RBMS3: variants seen among roughly 807,000 people sequenced by gnomAD.
RBMS3 encodes RNA binding motif single stranded interacting protein 3.
In RBMS3, 27 loss-of-function variants were observed where a neutral mutation model predicts 66.8. That is an observed-to-expected ratio of 0.40 (90% CI 0.30 to 0.56). RBMS3 has a LOEUF of 0.56. Ranked by LOEUF, RBMS3 falls within the 20% of genes least tolerant of loss-of-function variation. The pLI is 0.40. For synonymous variants in RBMS3, 188 were observed against 183.0 expected (o/e 1.03, Z -0.22); for missense variants, 513 against 549.5 (o/e 0.93, Z 0.66).
At chr3:29,424,750 A>G (rs528609658) in intron 1 of RBMS3, among the ~76,000 whole-genome samples, 1 of 152,226 alleles carries the variant, frequency 6.6e-6, no homozygotes, top group African/African-American at 2.4e-5. Flanking sequence ...CGTAATTGGG[A>G]ACAAAGTGTG....
chr3:29,377,117 AG>A (rs760297666), intron 1 of RBMS3, among the ~76,000 whole-genome samples: 70 of 152,056 alleles, frequency 4.6e-4, no homozygotes, highest in Admixed American at 4.6e-4. Context: ...AAGCAAAGAA[AG>A]AAAAGGCACA....
chr3:29,847,751 G>A (rs1445990351), intron 6 of RBMS3, among the ~76,000 whole-genome samples: 1 of 152,012 alleles, frequency 6.6e-6, no homozygotes, highest in East Asian at 1.9e-4. Flanking sequence ...CGCCTTCCGG[G>A]TTCACGCCAT....
At chr3:29,993,118 A>C (rs910441729) in intron 14 of RBMS3, among the ~76,000 whole-genome samples, 1 of 149,632 alleles carries the variant, frequency 6.7e-6, no homozygotes, top group Admixed American at 6.6e-5. Flanking sequence ...TATGACTTAA[A>C]CTTACAAATG....
At chr3:29,798,604 G>T (rs2149439162) in intron 6 of RBMS3, among the ~76,000 whole-genome samples, 1 of 152,284 alleles carries the variant, frequency 6.6e-6, no homozygotes, top group South Asian at 2.1e-4. Context: ...GTGTTTCCTA[G>T]AATTGGAAAT....
intron 5 of RBMS3, among the ~76,000 whole-genome samples, chr3:29,750,436 A>G (rs9824543): frequency 0.46 from 69,941 of 151,422 alleles, 17,246 homozygotes; most frequent in African/African-American, 0.64. Context: ...ACAATGTAAT[A>G]TAATAATCAT....
At chr3:29,324,725 G>A (rs1321451425) in intron 1 of RBMS3, among the ~76,000 whole-genome samples, 2 of 151,782 alleles carry the variant, frequency 1.3e-5, no homozygotes. Flanking sequence ...AAGAAGACAA[G>A]AGCTTTCTCT....
At chr3:29,339,990 A>G (rs2125535085) in intron 1 of RBMS3, among the ~76,000 whole-genome samples, 1 of 152,230 alleles carries the variant, frequency 6.6e-6, no homozygotes, top group South Asian at 2.1e-4. Context: ...CGTTGTGCAA[A>G]AACACCAAGT....
intron 1 of RBMS3, among the ~76,000 whole-genome samples, chr3:29,324,488 G>T: frequency 6.6e-6 from 1 of 152,154 alleles, no homozygotes; most frequent in East Asian, 1.9e-4. Flanking sequence ...GGCTTGCTAC[G>T]TAACCTGGAA....
chr3:29,904,237 G>A (rs2060322389), intron 10 of RBMS3, among the ~76,000 whole-genome samples: 1 of 151,908 alleles, frequency 6.6e-6, no homozygotes, highest in South Asian at 2.1e-4. Flanking sequence ...GAAGTGTATA[G>A]AGTATAAAAG....
In RBMS3 at chr3:30,004,072, TG is replaced by T. The variant is rs1190827555; in HGVS notation, c.*211del. On this transcript the variant is annotated 3_prime_UTR_variant, in exon 15 of 15. Coordinates refer to ENST00000383767, the MANE Select transcript of RBMS3 (RefSeq NM_001003793.3). ...TTCATGTGGTCTGACAATTTATTTTTGCCATCATTTTTTTAATTAAAGAAAA... is the reference window on the plus strand; with the variant it reads ...TTCATGTGGTCTGACAATTTATTTTTCCATCATTTTTTTAATTAAAGAAAA... 7.9e-6 allele frequency: 3 copies of T among 378,328 alleles called. No individual in the cohort carries two copies. The East Asian group carries it at 1.1e-4, about 14-fold the overall frequency. 23.4% of individuals were successfully genotyped at this position (378,328 alleles called of 1,614,324 possible).
chr3:29,820,935 C>T (rs759784374), intron 6 of RBMS3, among the ~76,000 whole-genome samples: 10 of 152,166 alleles, frequency 6.6e-5, no homozygotes, highest in Non-Finnish European at 1.2e-4. Context: ...ACAAACCAAC[C>T]TTGCTCCAGT....
At position 30,008,243 on chromosome 3, in the gene RBMS3, A is replaced by C. The variant is rs1400650350; in HGVS notation, c.*4381A>C. The C allele has an allele frequency of 1.3e-5, 2 of 152,064 alleles. No homozygotes were observed. The highest frequency in any genetic ancestry group is 2.1e-4 in the South Asian group (1 of 4,826). 9.4% of individuals were successfully genotyped at this position (152,064 alleles called of 1,614,324 possible). A position where few individuals can be genotyped will look rare whatever the true frequency, so the allele number is the denominator to read the frequency against. ...GGAGAAGTTTCAATAGGCTGTCTAGACATTATGATGTTAATAGGAGATTAA... is the reference window on the plus strand; with the variant it reads ...GGAGAAGTTTCAATAGGCTGTCTAGCCATTATGATGTTAATAGGAGATTAA... On this transcript the variant is annotated 3_prime_UTR_variant, in exon 15 of 15. Transcript: ENST00000383767.
intron 3 of RBMS3, among the ~76,000 whole-genome samples, chr3:29,532,526 C>A (rs1030532973): frequency 6.6e-6 from 1 of 151,764 alleles, no homozygotes; most frequent in Non-Finnish European, 1.5e-5. Context: ...GTGTGCAAGA[C>A]CAGCCTGCAA....
At chr3:29,498,800 G>A (rs1234235158) in intron 3 of RBMS3, among the ~76,000 whole-genome samples, 1 of 152,166 alleles carries the variant, frequency 6.6e-6, no homozygotes, top group Non-Finnish European at 1.5e-5. Context: ...GAACCAACTT[G>A]TTTAGAGCTT....
intron 1 of RBMS3, among the ~76,000 whole-genome samples, chr3:29,308,761 A>C (rs1384177909): frequency 6.7e-6 from 1 of 149,692 alleles, no homozygotes; most frequent in Admixed American, 6.7e-5. Context: ...AAAAACAAAA[A>C]AAAAAACGGG....
At chr3:29,565,030 A>C (rs1438517844) in intron 3 of RBMS3, among the ~76,000 whole-genome samples, 1 of 152,172 alleles carries the variant, frequency 6.6e-6, no homozygotes. Context: ...GGCAGAAATT[A>C]AGCATTCTTA....
chr3:29,308,642 T>A (rs2034166667), intron 1 of RBMS3, among the ~76,000 whole-genome samples: 2 of 151,404 alleles, frequency 1.3e-5, no homozygotes, highest in Admixed American at 1.3e-4. Context: ...TTTTAAATAA[T>A]TTATAGAATT....
chr3:29,294,207 T>C (rs1249905793), intron 1 of RBMS3, among the ~76,000 whole-genome samples: 1 of 151,874 alleles, frequency 6.6e-6, no homozygotes, highest in Non-Finnish European at 1.5e-5. Context: ...AAGGCAGTGC[T>C]TTTTTGAACC....
chr3:29,744,925 TTTGAA>T (rs2054818056), intron 5 of RBMS3, among the ~76,000 whole-genome samples: 1 of 152,236 alleles, frequency 6.6e-6, no homozygotes, highest in Admixed American at 6.5e-5. Flanking sequence ...TGGACTTCAT[TTTGAA>T]TGTTACTATT....
Sources: allele counts gnomAD v4.1 joint callset (sites outside exome capture counted in the v4.1 genomes callset), GRCh38; gene constraint gnomAD v4.1.1; transcripts MANE v1.5; gene names NCBI Gene and HGNC (gene_info 2026-07-23, HGNC 2026-07-21).